TFDP1: variants seen among roughly 807,000 people sequenced by gnomAD.
TFDP1 encodes transcription factor Dp-1.
A neutral mutation model predicts 48.0 loss-of-function variants in TFDP1; 6 were observed. The ratio of observed to expected loss-of-function variants is 0.13; its 90% confidence interval spans 0.07 to 0.25. The LOEUF is 0.25. Among genes scored for constraint, TFDP1 ranks in the 10% least tolerant of loss-of-function variants. The pLI is 1.00. For missense variants in TFDP1, 335 were observed against 543.0 expected, an observed-to-expected ratio of 0.62 and a Z score of 3.81; for synonymous variants, 201 against 211.6, an observed-to-expected ratio of 0.95 and a Z score of 0.44.
intron 2 of TFDP1, among the ~76,000 whole-genome samples, chr13:113,599,169 G>GTT (rs531756535): frequency 6.8e-6 from 1 of 147,062 alleles, no homozygotes; most frequent in East Asian, 2.0e-4. Flanking sequence ...TTTGTCCTAG[G>GTT]TTTTTTTTTT....
intron 2 of TFDP1, among the ~76,000 whole-genome samples, chr13:113,597,427 G>A (rs2048312990): frequency 6.6e-6 from 1 of 152,198 alleles, no homozygotes; most frequent in Non-Finnish European, 1.5e-5. Context: ...ATTTCCCTCT[G>A]GAGGATTTTC....
chr13:113,616,873 A>G (rs747741368), intron 3 of TFDP1, among the ~76,000 whole-genome samples: 4 of 152,126 alleles, frequency 2.6e-5, no homozygotes, highest in Non-Finnish European at 5.9e-5. Flanking sequence ...CTGTCAGGAG[A>G]GGCCATCAGC....
intron 2 of TFDP1, among the ~76,000 whole-genome samples, chr13:113,590,245 T>C (rs1003367110): frequency 6.6e-6 from 1 of 152,210 alleles, no homozygotes; most frequent in Admixed American, 6.5e-5. Flanking sequence ...GTTTGTGTCC[T>C]GTGAGTTTAT....
intron 1 of TFDP1, chr13:113,585,565 G>A (rs947192341): frequency 2.8e-6 from 1 of 356,250 alleles, no homozygotes; most frequent in Non-Finnish European, 5.2e-6. Context: ...GGGCCCGCGG[G>A]CCACTTTTCC....
intron 3 of TFDP1, among the ~76,000 whole-genome samples, chr13:113,615,627 G>C (rs2048837685): frequency 6.6e-6 from 1 of 152,208 alleles, no homozygotes; most frequent in Non-Finnish European, 1.5e-5. Context: ...GTTTAGGCCA[G>C]GTGCAGGGGC....
At chr13:113,629,431 C>CA (rs1352867669) in intron 4 of TFDP1, among the ~76,000 whole-genome samples, 1 of 152,246 alleles carries the variant, frequency 6.6e-6, no homozygotes, top group Non-Finnish European at 1.5e-5. Context: ...TCCCAACTTA[C>CA]AGTGGGTTTG....
chr13:113,607,021 G>A lies in TFDP1; in HGVS notation c.13-3975G>A, dbSNP rs988142998. Among the ~76,000 whole-genome samples the A allele has an allele frequency of 1.3e-5, 2 of 152,212 alleles. No individual in the cohort carries two copies. The highest frequency in any genetic ancestry group is 2.1e-4 in the South Asian group (1 of 4,830). On this transcript the variant is annotated intron_variant, in intron 2 of 11. Coordinates refer to ENST00000375370, the MANE Select transcript of TFDP1 (RefSeq NM_007111.5). The surrounding 1 kb of genome is among the most constrained non-coding windows in gnomAD (Gnocchi z 5.2). ...GAGAGGTCTGCTTTAGAGGCCCTGCGGCCCCAGAAGTCATGCCTCTGAGTC... is the reference window on the plus strand; with the variant it reads ...GAGAGGTCTGCTTTAGAGGCCCTGCAGCCCCAGAAGTCATGCCTCTGAGTC...
chr13:113,603,110 G>C (rs2048480816), intron 2 of TFDP1, among the ~76,000 whole-genome samples: 1 of 152,224 alleles, frequency 6.6e-6, no homozygotes, highest in South Asian at 2.1e-4. Context: ...CAATGGAAAT[G>C]GTCAGTTGTT....
At position 113,641,292 on chromosome 13, in the gene TFDP1, A is replaced by G. The variant is rs1459866275; in HGVS notation, c.*1025A>G. On this transcript the variant is annotated 3_prime_UTR_variant, in exon 12 of 12. Transcript: ENST00000375370. ...GTAGTCTCTTTTAAAATTTATTCAC[A>G]AAACCCATTAACTGCACAGTTGCTA... 1 of 152,292 alleles carries G rather than the reference A, an allele frequency of 6.6e-6. No individual in the cohort carries two copies. Among genetic ancestry groups the G allele is most frequent in the African/African-American group, 2.4e-5 (1 of 41,456 alleles). The allele number at this position is 152,292 out of a possible 1,614,324, so 9.4% of individuals were successfully genotyped here.
chr13:113,596,625 A>C (rs1224516292), intron 2 of TFDP1, among the ~76,000 whole-genome samples: 2 of 152,224 alleles, frequency 1.3e-5, no homozygotes, highest in African/African-American at 4.8e-5. Context: ...GGAGCTCTTC[A>C]GGCCAGCGGT....
intron 5 of TFDP1, among the ~76,000 whole-genome samples, chr13:113,632,282 T>G (rs914468626): frequency 4.6e-5 from 7 of 152,248 alleles, no homozygotes; most frequent in African/African-American, 1.7e-4. Flanking sequence ...CTTCACCAGC[T>G]AGGAACCTCA....
intron 3 of TFDP1, among the ~76,000 whole-genome samples, chr13:113,622,197 G>A (rs1402023953): frequency 6.6e-6 from 1 of 152,122 alleles, no homozygotes; most frequent in African/African-American, 2.4e-5. Flanking sequence ...CCTGGCATTC[G>A]GGGCCACTAC....
intron 3 of TFDP1, 104 bp downstream of exon 3, chr13:113,611,166 T>G (rs1226897428): frequency 1.7e-6 from 2 of 1,161,952 alleles, no homozygotes; most frequent in African/African-American, 3.1e-5. Flanking sequence ...TGATGGCATC[T>G]CCTGCATGGG....
At chr13:113,597,734 C>T (rs1296020625) in intron 2 of TFDP1, among the ~76,000 whole-genome samples, 2 of 152,200 alleles carry the variant, frequency 1.3e-5, no homozygotes, top group Admixed American at 6.5e-5. Flanking sequence ...AGACCTCCTC[C>T]CAGCCACGAG....
intron 2 of TFDP1, among the ~76,000 whole-genome samples, chr13:113,606,986 G>T (rs1288255641): frequency 2.6e-5 from 4 of 152,204 alleles, no homozygotes; most frequent in Admixed American, 6.5e-5. Context: ...TTATTCATCC[G>T]CCAGCTCTGG....
chr13:113,608,792 C>T (rs902932312), intron 2 of TFDP1, among the ~76,000 whole-genome samples: 4 of 152,224 alleles, frequency 2.6e-5, no homozygotes, highest in African/African-American at 9.6e-5. Context: ...TGGCCTTCAT[C>T]TCCTGTGGGT....
chr13:113,635,159 G>C (rs1355780388), intron 8 of TFDP1, among the ~76,000 whole-genome samples: 1 of 152,190 alleles, frequency 6.6e-6, no homozygotes, highest in African/African-American at 2.4e-5. Context: ...CTCCCATTGA[G>C]TGCTGAGGGT....
At chr13:113,595,250 G>A (rs1022324519) in intron 2 of TFDP1, among the ~76,000 whole-genome samples, 12 of 152,170 alleles carry the variant, frequency 7.9e-5, no homozygotes, top group African/African-American at 2.9e-4. Context: ...CTTGGCTCTG[G>A]ACTGAACGCC....
chr13:113,641,458 T>C lies in TFDP1; in HGVS notation c.*1191T>C, dbSNP rs1267330297. Reference sequence around the variant, plus strand: ...TTAGTTTTTATTAATAAAACGCGCATGGGCATTTTAAACAAGCTGTGTTTC... The same window carrying C: ...TTAGTTTTTATTAATAAAACGCGCACGGGCATTTTAAACAAGCTGTGTTTC... On this transcript the variant is annotated 3_prime_UTR_variant, in exon 12 of 12. Transcript: ENST00000375370. 6.6e-6 allele frequency: 1 copy of C among 152,282 alleles called. No individual in the cohort carries two copies. 9.4% of individuals were successfully genotyped at this position (152,282 alleles called of 1,614,324 possible). A position where few individuals can be genotyped will look rare whatever the true frequency, so the allele number is the denominator to read the frequency against.
Sources: allele counts gnomAD v4.1 joint callset (sites outside exome capture counted in the v4.1 genomes callset), GRCh38; gene constraint gnomAD v4.1.1; non-coding constraint Gnocchi (gnomAD v3.1); transcripts MANE v1.5; gene names NCBI Gene and HGNC (gene_info 2026-07-23, HGNC 2026-07-21).